Variants in SH3RF3 observed in about 807,000 individuals in gnomAD.
The protein encoded by SH3RF3 is E3 ubiquitin-protein ligase SH3RF3.
A neutral mutation model predicts 66.3 loss-of-function variants in SH3RF3; 29 were observed. That is an observed-to-expected ratio of 0.44 (90% CI 0.33 to 0.60). The LOEUF (loss-of-function observed/expected upper bound fraction) is 0.60, where lower values mean the gene tolerates loss of function less well. SH3RF3 is among the 20% of genes least tolerant of loss of function. The pLI is 0.04. For missense variants in SH3RF3, 1,194 were observed against 1,190.9 expected, an observed-to-expected ratio of 1.00 and a Z score of -0.04; for synonymous variants, 583 against 532.0, an observed-to-expected ratio of 1.10 and a Z score of -1.32.
intron 1 of SH3RF3, among the ~76,000 whole-genome samples, chr2:109,319,899 C>T (rs940888532): frequency 3.3e-5 from 5 of 152,208 alleles, no homozygotes; most frequent in African/African-American, 9.6e-5. Flanking sequence ...AGAAATCCCC[C>T]GGTGGTTACA....
At chr2:109,425,300 G>C (rs1361732708) in intron 5 of SH3RF3, among the ~76,000 whole-genome samples, 1 of 152,242 alleles carries the variant, frequency 6.6e-6, no homozygotes, top group Non-Finnish European at 1.5e-5. Context: ...AGCAGCAAGT[G>C]CTGATGGAAA....
At chr2:109,318,748 G>A (rs1008593764) in intron 1 of SH3RF3, among the ~76,000 whole-genome samples, 2 of 152,120 alleles carry the variant, frequency 1.3e-5, no homozygotes, top group Non-Finnish European at 2.9e-5. Context: ...GACCCTTCTG[G>A]TCTCATCCAA....
At chr2:109,146,873 T>C (rs1677111324) in intron 1 of SH3RF3, among the ~76,000 whole-genome samples, 2 of 26,332 alleles carry the variant, frequency 7.6e-5, no homozygotes, top group African/African-American at 3.7e-4. Flanking sequence ...CCCTCTTCTC[T>C]TCTTTTTTCC....
At chr2:109,441,631 T>G (rs566002961) in intron 7 of SH3RF3, among the ~76,000 whole-genome samples, 2 of 152,258 alleles carry the variant, frequency 1.3e-5, no homozygotes, top group South Asian at 4.2e-4. Context: ...GAAAAATGAT[T>G]TGAAGAAATA....
At chr2:109,455,756 C>T (rs1678036787) in intron 8 of SH3RF3, among the ~76,000 whole-genome samples, 1 of 152,174 alleles carries the variant, frequency 6.6e-6, no homozygotes, top group African/African-American at 2.4e-5. Flanking sequence ...GACAGGCAGC[C>T]GGGGAAGCCA....
At chr2:109,176,723 C>G (rs1677924640) in intron 1 of SH3RF3, among the ~76,000 whole-genome samples, 1 of 152,054 alleles carries the variant, frequency 6.6e-6, no homozygotes. Flanking sequence ...GGTCACAGAG[C>G]CAGACCCTGT....
rs551061296 is a variant in SH3RF3 at position 109,213,210 on chromosome 2, G to A, written c.573+83097G>A. On this transcript the variant is annotated intron_variant, in intron 1 of 9. Coordinates refer to ENST00000309415, the MANE Select transcript of SH3RF3 (RefSeq NM_001099289.3). ...CTCTTCCTTGGCAAGAACTCTGGAA[G>A]TAGGTGGTCCCAGGGCTGCTTCTGA... Among the ~76,000 whole-genome samples the A allele has an allele frequency of 1.4e-4, 21 of 152,336 alleles. No homozygotes were observed. In the East Asian group the frequency reaches 2.9e-3, roughly 21 times the overall value.
intron 1 of SH3RF3, among the ~76,000 whole-genome samples, chr2:109,188,275 G>T (rs1055759094): frequency 1.3e-5 from 2 of 152,246 alleles, no homozygotes; most frequent in Non-Finnish European, 2.9e-5. Context: ...AGACAACTGT[G>T]CCAGTCTTTC....
At chr2:109,275,462 C>T (rs1680730988) in intron 1 of SH3RF3, among the ~76,000 whole-genome samples, 1 of 152,208 alleles carries the variant, frequency 6.6e-6, no homozygotes, top group African/African-American at 2.4e-5. Flanking sequence ...TAGGCCAAGG[C>T]AGCAGCTTAA....
chr2:109,278,831 G>A (rs764851689), intron 1 of SH3RF3, among the ~76,000 whole-genome samples: 7 of 152,172 alleles, frequency 4.6e-5, no homozygotes, highest in South Asian at 2.1e-4. Context: ...AAGGCAAATC[G>A]TGGGGCTAAG....
chr2:109,364,365 G>C (rs1683115769), intron 2 of SH3RF3, among the ~76,000 whole-genome samples: 1 of 152,240 alleles, frequency 6.6e-6, no homozygotes, highest in South Asian at 2.1e-4. Context: ...TCACCCATCT[G>C]TTCTTACATG....
chr2:109,416,938 A>G (rs920036245), intron 4 of SH3RF3, among the ~76,000 whole-genome samples: 1 of 149,912 alleles, frequency 6.7e-6, no homozygotes, highest in Non-Finnish European at 1.5e-5. Context: ...TTGTATGTCC[A>G]GTGCTTGGCC....
intron 2 of SH3RF3, among the ~76,000 whole-genome samples, chr2:109,351,383 A>C (rs1456581457): frequency 6.6e-6 from 1 of 152,246 alleles, no homozygotes; most frequent in African/African-American, 2.4e-5. Context: ...TGGTGTGCTG[A>C]GAACCACATG....
chr2:109,223,200 TC>T (rs1679294457), intron 1 of SH3RF3, among the ~76,000 whole-genome samples: 1 of 152,196 alleles, frequency 6.6e-6, no homozygotes. Flanking sequence ...GAATGCTTTG[TC>T]CCCCTTTGCT....
chr2:109,173,115 C>CT (rs1273838795), intron 1 of SH3RF3, among the ~76,000 whole-genome samples: 2 of 152,308 alleles, frequency 1.3e-5, no homozygotes, highest in African/African-American at 2.4e-5. Context: ...AAATGAACAT[C>CT]TTTTTTTAAC....
At chr2:109,339,362 A>AAT (rs923266984) in intron 1 of SH3RF3, among the ~76,000 whole-genome samples, 1 of 152,104 alleles carries the variant, frequency 6.6e-6, no homozygotes, top group African/African-American at 2.4e-5. Context: ...TTTGGGTTGA[A>AAT]ATAAGGACCT....
chr2:109,335,454 C>A (rs1381612337), intron 1 of SH3RF3, among the ~76,000 whole-genome samples: 1 of 152,194 alleles, frequency 6.6e-6, no homozygotes, highest in Non-Finnish European at 1.5e-5. Context: ...CTCTGCCCCT[C>A]AGGGCTGGGA....
At chr2:109,317,747 G>T (rs1331245291) in intron 1 of SH3RF3, among the ~76,000 whole-genome samples, 1 of 152,208 alleles carries the variant, frequency 6.6e-6, no homozygotes, top group Non-Finnish European at 1.5e-5. Context: ...GCCTCCCTGT[G>T]AACAGGCTTC....
chr2:109,367,183 C>G (rs184197646), intron 2 of SH3RF3, among the ~76,000 whole-genome samples: 1 of 146,776 alleles, frequency 6.8e-6, no homozygotes, highest in Non-Finnish European at 1.5e-5. Context: ...AGACTGGTCT[C>G]GAACTCCTGG....
Sources: allele counts gnomAD v4.1 joint callset (sites outside exome capture counted in the v4.1 genomes callset), GRCh38; gene constraint gnomAD v4.1.1; transcripts MANE v1.5; gene names NCBI Gene and HGNC (gene_info 2026-07-23, HGNC 2026-07-21).